RCBTB2: variants seen among roughly 807,000 people sequenced by gnomAD.
The protein encoded by RCBTB2 is RCC1 and BTB domain-containing protein 2.
A neutral mutation model predicts 65.4 loss-of-function variants in RCBTB2; 55 were observed. The observed-to-expected ratio is 0.84, with a 90% CI of 0.68 to 1.05. The LOEUF (loss-of-function observed/expected upper bound fraction) is 1.05, where lower values mean the gene tolerates loss of function less well. Ranked by LOEUF, RCBTB2 falls within the 50% of genes least tolerant of loss-of-function variation. The probability of loss-of-function intolerance (pLI) is 0.00; values close to 1 mark genes in which losing one functional copy is unlikely to be tolerated. For missense variants in RCBTB2, 599 were observed against 680.1 expected, an observed-to-expected ratio of 0.88 and a Z score of 1.33; for synonymous variants, 220 against 255.2, an observed-to-expected ratio of 0.86 and a Z score of 1.31.
intron 10 of RCBTB2, 67 bp from the exon 11 acceptor site, chr13:48,502,981 C>T (rs772014620): frequency 3.1e-5 from 44 of 1,428,332 alleles, no homozygotes; most frequent in Non-Finnish European, 3.9e-5. Flanking sequence ...GTCCTCCTCC[C>T]GCCAGGTTTA....
chr13:48,502,883 G>T lies in RCBTB2; in HGVS notation c.958C>A (p.His320Asn), dbSNP rs1950308536. 6.2e-7 allele frequency: 1 copy of T among 1,613,524 alleles called. No homozygotes were observed. Among genetic ancestry groups the T allele is most frequent in the South Asian group, 1.1e-5 (1 of 91,054 alleles). The change falls in exon 11 of 15, where the codon CAC becomes AAC. Residue 320 changes from histidine (H) to asparagine (N), a missense_variant. Physicochemically the swap from His to Asn is moderately conservative, Grantham distance 68 (BLOSUM62 1). Transcript: ENST00000344532. ...IIEIAACHST[H>N]TSAAKTQGGH... Reference sequence around the variant, plus strand: ...CCCTGCGTCTTGGCCGCAGACGTGTGTGTGGAGTGACAGGCTGCAATCTCG... The same window carrying T: ...CCCTGCGTCTTGGCCGCAGACGTGTTTGTGGAGTGACAGGCTGCAATCTCG...
chr13:48,532,371 C>G (rs1473267381), intron 1 of RCBTB2: 3 of 152,398 alleles, frequency 2.0e-5, no homozygotes, highest in African/African-American at 7.2e-5. Context: ...TCCTGGACAT[C>G]AGGACCAAAT....
rs1566337762 is a variant in RCBTB2 at position 48,527,371 on chromosome 13, T to TATATATATATGATATC, written c.-218-2615_-218-2614insGATATCATATATATAT. ...ATATATGATATATATTTATATATGA[T>TATATATATATGATATC]ATATATATATGATATATATTTATAT... On this transcript the variant is annotated intron_variant, in intron 1 of 14. Transcript: ENST00000344532. Among the ~76,000 whole-genome samples the TATATATATATGATATC allele has an allele frequency of 5.4e-4, 75 of 138,718 alleles. 1 individual carries two copies. Among genetic ancestry groups the TATATATATATGATATC allele is most frequent in the African/African-American group, 2.1e-3 (72 of 33,860 alleles). The allele number at this position is 138,718 out of a possible 152,430, so 91.0% of individuals were successfully genotyped here.
intron 10 of RCBTB2, among the ~76,000 whole-genome samples, chr13:48,506,956 T>C (rs555436757): frequency 8.5e-5 from 13 of 152,202 alleles, no homozygotes; most frequent in Non-Finnish European, 1.3e-4. Flanking sequence ...AATAATGCGG[T>C]TCTTATGTTC....
At chr13:48,526,130 TA>T (rs1366517427) in intron 1 of RCBTB2, among the ~76,000 whole-genome samples, 1 of 152,214 alleles carries the variant, frequency 6.6e-6, no homozygotes, top group African/African-American at 2.4e-5. Flanking sequence ...AATAAACTCT[TA>T]AAATGAGAAT....
chr13:48,519,522 C>T (rs1323993775), intron 4 of RCBTB2, among the ~76,000 whole-genome samples: 4 of 152,196 alleles, frequency 2.6e-5, no homozygotes, highest in African/African-American at 9.7e-5. Flanking sequence ...CAGCCCGTAA[C>T]TCTACTGGCT....
intron 10 of RCBTB2, among the ~76,000 whole-genome samples, chr13:48,505,199 T>C (rs780995642): frequency 1.3e-5 from 2 of 152,154 alleles, no homozygotes; most frequent in Non-Finnish European, 2.9e-5. Flanking sequence ...TTTCATCACA[T>C]TGCAAGGGTG....
At chr13:48,533,667 C>G (rs1952302931), upstream of RCBTB2, among the ~76,000 whole-genome samples, 2 of 152,186 alleles carry the variant, frequency 1.3e-5, no homozygotes, top group Admixed American at 6.5e-5. Context: ...TCGAAAACAG[C>G]CACCTTCTCC....
chr13:48,490,277 A>C (rs373952680), intron 14 of RCBTB2, 26 bp from the exon 15 acceptor site: 4 of 1,596,394 alleles, frequency 2.5e-6, no homozygotes, highest in Non-Finnish European at 3.4e-6. Flanking sequence ...AAGATGGTTT[A>C]ATAAATTCAT....
At chr13:48,508,970 C>T (rs1001114988) in intron 10 of RCBTB2, among the ~76,000 whole-genome samples, 1 of 152,116 alleles carries the variant, frequency 6.6e-6, no homozygotes, top group South Asian at 2.1e-4. Flanking sequence ...TGGGCAATGA[C>T]GGCAGATTCT....
At chr13:48,513,660 T>C (rs541696347) in intron 6 of RCBTB2, among the ~76,000 whole-genome samples, 2 of 152,376 alleles carry the variant, frequency 1.3e-5, no homozygotes, top group African/African-American at 4.8e-5. Context: ...TATTGTTCAT[T>C]TGGATCTTTT....
chr13:48,512,631 G>A lies in RCBTB2; in HGVS notation c.516+98C>T, dbSNP rs73479241. ...AAATAAGGCTGAATTTGAGGGAGGT[G>A]GTTATTTTAATCAAATGATTGTATT... On this transcript the variant is annotated intron_variant, in intron 7 of 14. Coordinates refer to ENST00000344532, the MANE Select transcript of RCBTB2 (RefSeq NM_001268.4). The A allele has an allele frequency of 9.8e-4, 990 of 1,013,842 alleles. 3 individuals are homozygous for A. In the African/African-American group the frequency reaches 0.014, roughly 15 times the overall value. 62.8% of individuals were successfully genotyped at this position (1,013,842 alleles called of 1,614,324 possible).
chr13:48,505,591 T>C (rs1055393443), intron 10 of RCBTB2, among the ~76,000 whole-genome samples: 1 of 152,186 alleles, frequency 6.6e-6, no homozygotes, highest in Non-Finnish European at 1.5e-5. Context: ...CGTCCACTGT[T>C]AGTATCGATT....
chr13:48,493,259 A>ACACACACACACACACC (rs1555297731), intron 14 of RCBTB2, among the ~76,000 whole-genome samples: 1 of 121,754 alleles, frequency 8.2e-6, no homozygotes, highest in African/African-American at 3.4e-5. Context: ...ACACACACAC[A>ACACACACACACACACC]CTCTTCTCTC....
At chr13:48,496,039 G>A (rs989958782) in intron 14 of RCBTB2, 152 bp downstream of exon 14, 2 of 551,806 alleles carry the variant, frequency 3.6e-6, no homozygotes, top group African/African-American at 3.9e-5. Flanking sequence ...ATAAATACTT[G>A]CTTATACGTT....
chr13:48,535,638 G>A, upstream of RCBTB2: 1 of 456,050 alleles, frequency 2.2e-6, no homozygotes, highest in Non-Finnish European at 4.4e-6. Context: ...AGTCACCAAT[G>A]ACCTCAGAAT....
At chr13:48,490,389 C>T (rs1949646966) in intron 14 of RCBTB2, 138 bp from the exon 15 acceptor site, 4 of 663,238 alleles carry the variant, frequency 6.0e-6, no homozygotes, top group Non-Finnish European at 1.0e-5. Flanking sequence ...CATGGTAATA[C>T]CTAAAGAATA....
At chr13:48,529,498 T>C (rs1951986758) in intron 1 of RCBTB2, among the ~76,000 whole-genome samples, 1 of 152,238 alleles carries the variant, frequency 6.6e-6, no homozygotes, top group East Asian at 1.9e-4. Flanking sequence ...TCAAAACATC[T>C]TCCATAGGGA....
chr13:48,511,645 C>T (rs1024949527), intron 9 of RCBTB2, 125 bp downstream of exon 9: 1 of 796,002 alleles, frequency 1.3e-6, no homozygotes, highest in Non-Finnish European at 1.9e-6. Flanking sequence ...TTAACCTTTA[C>T]TTTAATGAAG....
Sources: gnomAD v4.1 joint callset for allele counts (sites outside exome capture counted in the v4.1 genomes callset) on GRCh38, gnomAD v4.1.1 for gene constraint, MANE v1.5 for transcripts, NCBI Gene and HGNC (gene_info 2026-07-23, HGNC 2026-07-21) for gene names.